The following SYNE1 variants were observed in gnomAD, a reference collection of about 807,000 sequenced individuals.
SYNE1 encodes the protein spectrin repeat containing nuclear envelope protein 1.
Under a neutral mutation model 1,111.0 loss-of-function variants are expected in SYNE1, and 616 were observed. The ratio of observed to expected loss-of-function variants is 0.55; its 90% CI spans 0.52 to 0.59. The LOEUF (loss-of-function observed/expected upper bound fraction) is 0.59. SYNE1 is among the 20% of genes least tolerant of loss of function. The pLI, the probability that SYNE1 is intolerant of heterozygous loss-of-function variation, is 0.00. For synonymous variants in SYNE1, 3,855 were observed against 3,825.8 expected, an observed-to-expected ratio of 1.01 and a Z score of -0.28; for missense variants, 10,006 against 10,417.0, an observed-to-expected ratio of 0.96 and a Z score of 1.72.
In SYNE1 at chr6:152,132,114, A is replaced by C; in HGVS notation, c.26094+8T>G. On this transcript the variant is annotated splice_region_variant and intron_variant, in intron 144 of 145. Transcript: ENST00000367255. ...TGGGCCAACTGAAAACGACCAGTGGAAAGTTACCGTTTTCTGTCTGTTTGG... is the reference window on the plus strand; with the variant it reads ...TGGGCCAACTGAAAACGACCAGTGGCAAGTTACCGTTTTCTGTCTGTTTGG... The C allele has an allele frequency of 6.2e-7, 1 of 1,613,662 alleles. No individual in the cohort carries two copies. Among genetic ancestry groups the C allele is most frequent in the Non-Finnish European group, 8.5e-7 (1 of 1,179,616 alleles).
rs1295425579 is a variant in SYNE1 at position 152,122,668 on chromosome 6, T to C, written c.26162A>G (p.Lys8721Arg). 6.2e-7 allele frequency: 1 copy of C among 1,613,820 alleles called. No homozygotes were observed. The highest frequency in any genetic ancestry group is 1.7e-5 in the Admixed American group (1 of 60,010). The change falls in exon 146 of 146, where the codon AAA becomes AGA. Residue 8721 changes from lysine to arginine, a missense_variant. Lys to Arg is a conservative substitution (Grantham distance 26). Around this residue, in one of 7 missense-constraint regions of SYNE1, gnomAD observed 761 missense variants for 795.5 expected, o/e 0.96. Transcript: ENST00000367255. ...SVSSPHSRST[K>R]GGSDSSLSEP... is the part of the protein sequence containing the mutation. ...AGAAAGGGAGGAATCGGAGCCACCT[T>C]TTGTGGACCTGAGAGAAGAATGGAC...
chr6:152,269,356 C>T, intron 98 of SYNE1, 70 bp from the exon 99 acceptor site: 2 of 1,610,348 alleles, frequency 1.2e-6, no homozygotes, highest in Admixed American at 3.3e-5. Context: ...GGAGAGAAGG[C>T]TACTTTGGTG....
intron 32 of SYNE1, among the ~76,000 whole-genome samples, chr6:152,437,890 A>G (rs746915013): frequency 2.0e-5 from 3 of 152,180 alleles, no homozygotes; most frequent in Non-Finnish European, 4.4e-5. Context: ...ATACTATTAT[A>G]TCTTCATGTT....
rs749900550 is a variant in SYNE1, at chr6:152,176,428, G to C, written c.23593C>G (p.Arg7865Gly). 3 of 1,614,110 alleles carry C rather than the reference G, an allele frequency of 1.9e-6. No homozygotes were observed. In the East Asian group the frequency reaches 6.7e-5, roughly 36 times the overall value. The change falls in exon 130 of 146, where the codon CGG (arginine) becomes GGG (glycine). Residue 7865 changes from arginine to glycine, a missense_variant. Arg to Gly is a moderately radical substitution (Grantham distance 125). Transcript: ENST00000367255. The part of the protein sequence containing the change: ...IEYKLGKVND[R>G]WQHLLDLIAA... ...ATGAGGTCCAGGAGATGCTGCCACC[G>C]GTCGTTGACCTTTCCCAGCTTGTAT...
chr6:152,281,835 T>C lies in SYNE1; in HGVS notation c.18353A>G (p.Asp6118Gly), dbSNP rs779686125. ...GCAGTCCATAAGCTGGGCCTCCATG[T>C]CCATGGGCTCCTTGGGTGGACTCAG... ...TALSPPKEPM[D>G]MEAQLMDCQN... is the part of the protein sequence containing the mutation. Residue 6118 changes from aspartate to glycine, a missense_variant, in exon 97 of 146, where the codon GAC becomes GGC. This residue lies in a region of SYNE1 where 99 missense variants were observed against 147.8 expected (regional missense o/e 0.67). Transcript: ENST00000367255. The C allele has an allele frequency of 6.2e-7, 1 of 1,614,170 alleles. No individual in the cohort carries two copies. The highest frequency in any genetic ancestry group is 1.1e-5 in the South Asian group (1 of 91,084).
At chr6:152,514,118 C>A (rs899173136) in intron 6 of SYNE1, among the ~76,000 whole-genome samples, 27 of 152,166 alleles carry the variant, frequency 1.8e-4, no homozygotes, top group Admixed American at 1.5e-3. Flanking sequence ...CCCAGCAACC[C>A]CATTACTGGG....
chr6:152,186,230 A>G (rs75188719), intron 128 of SYNE1, among the ~76,000 whole-genome samples: 9,512 of 152,134 alleles, frequency 0.063, 462 homozygotes, highest in African/African-American at 0.14. Context: ...ACATCACAGG[A>G]GTTGTGGAAT....
At chr6:152,276,803 C>A (rs111471530) in intron 98 of SYNE1, among the ~76,000 whole-genome samples, 125 of 151,174 alleles carry the variant, frequency 8.3e-4, no homozygotes, top group African/African-American at 2.8e-3. Context: ...AGGGTTGGGG[C>A]AGCTAATGGG....
chr6:152,441,937 A>G (rs1466263958), intron 31 of SYNE1, 138 bp downstream of exon 31: 4 of 1,031,794 alleles, frequency 3.9e-6, no homozygotes, highest in Non-Finnish European at 6.0e-6. Context: ...TGATTAAAAG[A>G]TGGTTCATGT....
intron 104 of SYNE1, among the ~76,000 whole-genome samples, chr6:152,253,612 T>C (rs1426722054): frequency 6.6e-5 from 10 of 152,102 alleles, no homozygotes; most frequent in Admixed American, 6.6e-4. Flanking sequence ...AAAATTATTA[T>C]CAGAACAACG....
intron 109 of SYNE1, among the ~76,000 whole-genome samples, 175 bp downstream of exon 109, chr6:152,236,638 AAAAG>A (rs1460141176): frequency 6.6e-6 from 1 of 152,246 alleles, no homozygotes; most frequent in Non-Finnish European, 1.5e-5. Flanking sequence ...AAAAAAAGAA[AAAAG>A]AAAGACTTTT....
At chr6:152,523,754 C>T (rs140166538) in intron 5 of SYNE1, among the ~76,000 whole-genome samples, 70 of 151,882 alleles carry the variant, frequency 4.6e-4, no homozygotes, top group African/African-American at 1.5e-3. Context: ...GTTCTCCTTG[C>T]GAGATCTTTC....
chr6:152,364,850 T>G lies in SYNE1; in HGVS notation c.10142A>C (p.Lys3381Thr). ...ASLLSAGIRC[K>T]SQLEGALSKW... is the part of the protein sequence containing the mutation. Reference sequence around the variant, plus strand: ...GCTTGGCTGTAGTTTCCCTCACCTTTTACAACGAATCCCTGCAGACAAAAG... The same window carrying G: ...GCTTGGCTGTAGTTTCCCTCACCTTGTACAACGAATCCCTGCAGACAAAAG... Residue 3381 changes from lysine to threonine, a missense_variant, in exon 63 of 146, where the codon AAA becomes ACA. Lys to Thr is a moderately conservative substitution (Grantham distance 78, BLOSUM62 -1). Around this residue, in one of 7 missense-constraint regions of SYNE1, gnomAD observed 4,955 missense variants for 5,017.2 expected, o/e 0.99. Coordinates refer to ENST00000367255, the MANE Select transcript of SYNE1 (RefSeq NM_182961.4). 1 of 1,614,148 alleles carries G rather than the reference T, an allele frequency of 6.2e-7. No individual in the cohort carries two copies. The highest frequency in any genetic ancestry group is 2.2e-5 in the East Asian group (1 of 44,876).
intron 114 of SYNE1, 99 bp from the exon 115 acceptor site, chr6:152,230,801 A>G (rs1187136611): frequency 7.4e-7 from 1 of 1,348,782 alleles, no homozygotes; most frequent in East Asian, 2.5e-5. Flanking sequence ...CCAAATTAAG[A>G]ATTCTTAAAA....
At position 152,344,282 on chromosome 6, in the gene SYNE1, G is replaced by T. The variant is rs770050117; in HGVS notation, c.12079-55C>A. The T allele has an allele frequency of 1.3e-4, 202 of 1,611,124 alleles. 1 individual carries two copies. The highest frequency in any genetic ancestry group is 1.7e-4 in the Non-Finnish European group (196 of 1,178,120). On this transcript the variant is annotated intron_variant, in intron 73 of 145. Coordinates refer to ENST00000367255, the MANE Select transcript of SYNE1 (RefSeq NM_182961.4). Reference sequence around the variant, plus strand: ...GAGAACTGCTTTCTACCTCTATAAAGATCATTCAAATTCAATGAAACATGA... The same window carrying T: ...GAGAACTGCTTTCTACCTCTATAAATATCATTCAAATTCAATGAAACATGA...
chr6:152,211,650 G>A, intron 123 of SYNE1, 62 bp from the exon 124 acceptor site: 1 of 1,417,532 alleles, frequency 7.1e-7, no homozygotes, highest in Non-Finnish European at 9.9e-7. Context: ...TCGGTTCTCT[G>A]ATAACTTTCC....
At chr6:152,623,614 A>G (rs1252579331) in intron 3 of SYNE1, among the ~76,000 whole-genome samples, 2 of 152,166 alleles carry the variant, frequency 1.3e-5, no homozygotes, top group East Asian at 3.9e-4. Flanking sequence ...ATTTTTGCAA[A>G]CTATGCAACT....
intron 133 of SYNE1, among the ~76,000 whole-genome samples, chr6:152,152,730 T>C (rs2060657859): frequency 6.6e-6 from 1 of 152,226 alleles, no homozygotes; most frequent in Non-Finnish European, 1.5e-5. Flanking sequence ...AGAAAAGTAA[T>C]TTAGTAAAAT....
rs999696529 is a variant in SYNE1, at chr6:152,135,016, C to T, written c.25788+88G>A. 4 of 1,576,026 alleles carry T rather than the reference C, an allele frequency of 2.5e-6. No homozygotes were observed. In the African/African-American group the frequency reaches 4.1e-5, roughly 16 times the overall value. On this transcript the variant is annotated intron_variant, in intron 142 of 145. Coordinates refer to ENST00000367255, the MANE Select transcript of SYNE1 (RefSeq NM_182961.4). ...ATGCAAAAAGTTAAAAAAAAAGAAA[C>T]AACACTTACCACTTATATTCATTTT...
Sources: allele counts gnomAD v4.1 joint callset (sites outside exome capture counted in the v4.1 genomes callset), GRCh38; gene constraint gnomAD v4.1.1; regional missense constraint gnomAD v4.1.1; transcripts MANE v1.5; gene names NCBI Gene and HGNC (gene_info 2026-07-23, HGNC 2026-07-21).